RBM19: variants seen among roughly 807,000 people sequenced by gnomAD.
RBM19 encodes probable RNA-binding protein 19.
RBM19 carries 94 observed loss-of-function variants against 116.8 expected under a neutral mutation model. The ratio of observed to expected loss-of-function variants is 0.80; its 90% CI spans 0.68 to 0.95. RBM19 has a LOEUF of 0.95. Among genes scored for constraint, RBM19 ranks in the 40% least tolerant of loss-of-function variants. RBM19 has a pLI of 0.00. For missense variants in RBM19, 1,161 were observed against 1,220.7 expected (o/e 0.95, Z 0.73); for synonymous variants, 475 against 494.1 (o/e 0.96, Z 0.51).
intron 23 of RBM19, among the ~76,000 whole-genome samples, chr12:113,826,448 G>C (rs1471004113): frequency 6.6e-6 from 1 of 152,252 alleles, no homozygotes; most frequent in Non-Finnish European, 1.5e-5. Flanking sequence ...GGGTCAAGTA[G>C]TGTAGGTTGC....
intron 7 of RBM19, among the ~76,000 whole-genome samples, chr12:113,953,124 T>C (rs1397618206): frequency 6.6e-6 from 1 of 152,182 alleles, no homozygotes; most frequent in East Asian, 1.9e-4. Flanking sequence ...TTTATAAACA[T>C]AGAGTACCAG....
intron 21 of RBM19, among the ~76,000 whole-genome samples, chr12:113,890,195 G>T (rs929264120): frequency 2.6e-5 from 4 of 152,202 alleles, no homozygotes; most frequent in African/African-American, 9.7e-5. Context: ...TTTTACGGCC[G>T]CCTTCTCTAG....
chr12:113,948,757 G>T, intron 10 of RBM19, 76 bp downstream of exon 10: 2 of 1,480,328 alleles, frequency 1.4e-6, no homozygotes, highest in Non-Finnish European at 1.9e-6. Flanking sequence ...ACTGGGACTT[G>T]AACCCAGGAC....
At chr12:113,854,327 G>C (rs367720942) in intron 22 of RBM19, among the ~76,000 whole-genome samples, 2 of 152,056 alleles carry the variant, frequency 1.3e-5, no homozygotes, top group Non-Finnish European at 2.9e-5. Flanking sequence ...CTTCCAGGTC[G>C]TGTGGTCCCC....
intron 6 of RBM19, 69 bp from the exon 7 acceptor site, chr12:113,955,280 C>T: frequency 6.8e-7 from 1 of 1,466,616 alleles, no homozygotes; most frequent in Non-Finnish European, 9.6e-7. Flanking sequence ...AGGTGGCACA[C>T]TGGGACATTT....
At chr12:113,872,094 A>C (rs1879252623) in intron 21 of RBM19, among the ~76,000 whole-genome samples, 2 of 142,012 alleles carry the variant, frequency 1.4e-5, no homozygotes, top group Admixed American at 1.4e-4. Flanking sequence ...GCCTCTTCCC[A>C]GCCGCCATCA....
chr12:113,923,369 G>A (rs1868762664), intron 18 of RBM19, among the ~76,000 whole-genome samples: 1 of 152,054 alleles, frequency 6.6e-6, no homozygotes, highest in South Asian at 2.1e-4. Context: ...CTTGATCTTA[G>A]ACTTCTAGAC....
At chr12:113,843,607 C>G (rs1310518732) in intron 23 of RBM19, among the ~76,000 whole-genome samples, 1 of 152,176 alleles carries the variant, frequency 6.6e-6, no homozygotes, top group Non-Finnish European at 1.5e-5. Context: ...GCTGCCGGGC[C>G]CAGGCCACAG....
intron 1 of RBM19, among the ~76,000 whole-genome samples, chr12:113,962,973 G>A (rs375409334): frequency 2.0e-5 from 3 of 152,130 alleles, no homozygotes; most frequent in South Asian, 2.1e-4. Context: ...GAGGGAGGCG[G>A]GAAGATCAGA....
chr12:113,921,496 A>G (rs1270423776), intron 18 of RBM19, among the ~76,000 whole-genome samples: 1 of 152,140 alleles, frequency 6.6e-6, no homozygotes, highest in African/African-American at 2.4e-5. Context: ...ATGAGGCTCA[A>G]GGCTCTCTAC....
At chr12:113,908,140 T>G (rs1368078129) in intron 21 of RBM19, among the ~76,000 whole-genome samples, 1 of 152,198 alleles carries the variant, frequency 6.6e-6, no homozygotes, top group Non-Finnish European at 1.5e-5. Context: ...AGGAGCTGCC[T>G]GAGCCTGATT....
intron 21 of RBM19, among the ~76,000 whole-genome samples, chr12:113,904,527 C>G (rs1352874944): frequency 6.6e-6 from 1 of 152,184 alleles, no homozygotes; most frequent in African/African-American, 2.4e-5. Flanking sequence ...CCGGCAGGCC[C>G]TTGGGTAAGG....
chr12:113,907,592 C>T (rs1882156064), intron 21 of RBM19, among the ~76,000 whole-genome samples: 2 of 152,194 alleles, frequency 1.3e-5, no homozygotes, highest in African/African-American at 4.8e-5. Flanking sequence ...GCCAGCCCTC[C>T]GAGGGGGTCA....
Position 113,950,172 on chromosome 12 carries a change from C to T in RBM19, c.1001-18G>A. On this transcript the variant is annotated intron_variant, in intron 8 of 23. Coordinates refer to ENST00000261741, the MANE Select transcript of RBM19 (RefSeq NM_016196.4). Reference sequence around the variant, plus strand: ...GATGTATCCTGACAGAGGACAATGACAGAGGTAAAATCTGCAGGCCTTGCA... The same window carrying T: ...GATGTATCCTGACAGAGGACAATGATAGAGGTAAAATCTGCAGGCCTTGCA... 1 of 1,587,612 alleles carries T rather than the reference C, an allele frequency of 6.3e-7. No homozygotes were observed.
intron 23 of RBM19, among the ~76,000 whole-genome samples, chr12:113,836,398 T>C (rs1292315609): frequency 6.6e-6 from 1 of 152,128 alleles, no homozygotes; most frequent in Non-Finnish European, 1.5e-5. Context: ...CCTTCGCTGT[T>C]CAATTTGACA....
At chr12:113,886,204 C>T (rs1880505932) in intron 21 of RBM19, among the ~76,000 whole-genome samples, 1 of 152,182 alleles carries the variant, frequency 6.6e-6, no homozygotes, top group Non-Finnish European at 1.5e-5. Flanking sequence ...GTAACCACAG[C>T]TCACTGCAAC....
chr12:113,867,508 C>T (rs1314230987), intron 21 of RBM19, among the ~76,000 whole-genome samples: 1 of 152,190 alleles, frequency 6.6e-6, no homozygotes, highest in Admixed American at 6.5e-5. Context: ...AGGGTTGGTG[C>T]ACACTCTCAG....
intron 23 of RBM19, among the ~76,000 whole-genome samples, chr12:113,840,891 C>T (rs1876406767): frequency 1.3e-5 from 2 of 152,238 alleles, no homozygotes; most frequent in Non-Finnish European, 1.5e-5. Context: ...GCTCCATGGG[C>T]ACTGCCTATA....
At chr12:113,832,620 C>T (rs1875525652) in intron 23 of RBM19, among the ~76,000 whole-genome samples, 1 of 152,214 alleles carries the variant, frequency 6.6e-6, no homozygotes, top group South Asian at 2.1e-4. Flanking sequence ...CCGCCTCCTG[C>T]TGAGGCCTTC....
Sources: gnomAD v4.1 joint callset for allele counts (sites outside exome capture counted in the v4.1 genomes callset) on GRCh38, gnomAD v4.1.1 for gene constraint, MANE v1.5 for transcripts, NCBI Gene and HGNC (gene_info 2026-07-23, HGNC 2026-07-21) for gene names.